Variants in MTREX observed in about 807,000 individuals in gnomAD.
The protein encoded by MTREX is Mtr4 exosome RNA helicase.
A neutral mutation model predicts 135.4 loss-of-function variants in MTREX; 76 were observed. The ratio of observed to expected loss-of-function variants is 0.56; its 90% CI spans 0.47 to 0.68. MTREX has a LOEUF of 0.68. Among genes scored for constraint, MTREX ranks in the 30% least tolerant of loss-of-function variants. MTREX has a pLI of 0.00. For missense variants in MTREX, 920 were observed against 1,262.1 expected, an observed-to-expected ratio of 0.73 and a Z score of 4.11; for synonymous variants, 404 against 401.6, an observed-to-expected ratio of 1.01 and a Z score of -0.07.
At chr5:55,413,135 T>G (rs914494385) in intron 23 of MTREX, among the ~76,000 whole-genome samples, 13 of 150,508 alleles carry the variant, frequency 8.6e-5, no homozygotes, top group Non-Finnish European at 1.5e-4. Flanking sequence ...AGGTCAGGAG[T>G]CGACACCAGT....
intron 9 of MTREX, 57 bp from the exon 10 acceptor site, chr5:55,345,037 T>A: frequency 9.7e-7 from 1 of 1,025,974 alleles, no homozygotes; most frequent in Non-Finnish European, 1.5e-6. Flanking sequence ...GTATGAAAAA[T>A]GTTTGAATTA....
chr5:55,324,037 C>A, intron 2 of MTREX, 95 bp from the exon 3 acceptor site: 1 of 829,160 alleles, frequency 1.2e-6, no homozygotes, highest in Non-Finnish European at 2.0e-6. Flanking sequence ...GATGATTGGA[C>A]AGTGTCATTT....
chr5:55,322,246 G>T, intron 1 of MTREX, 81 bp from the exon 2 acceptor site: 1 of 1,218,988 alleles, frequency 8.2e-7, no homozygotes, highest in Non-Finnish European at 1.1e-6. Flanking sequence ...TCTGTTAATG[G>T]TATAGAGCAG....
In MTREX at chr5:55,341,781, G is replaced by A. The variant is rs763666963; in HGVS notation, c.781+10G>A. Reference sequence around the variant, plus strand: ...TATATGAGAGATTCAGGTATATTCAGTGTTGAAATGTATATCATGTATTTC... The same window carrying A: ...TATATGAGAGATTCAGGTATATTCAATGTTGAAATGTATATCATGTATTTC... On this transcript the variant is annotated intron_variant, in intron 7 of 26. Transcript: ENST00000230640. 7.8e-7 allele frequency: 1 copy of A among 1,281,086 alleles called. No individual in the cohort carries two copies. The highest frequency in any genetic ancestry group is 1.1e-6 in the Non-Finnish European group (1 of 897,454). The allele number at this position is 1,281,086 out of a possible 1,614,324, so 79.4% of individuals were successfully genotyped here. A position where few individuals can be genotyped will look rare whatever the true frequency, so the allele number is the denominator to read the frequency against.
intron 20 of MTREX, among the ~76,000 whole-genome samples, chr5:55,398,544 T>C (rs1192016854): frequency 6.6e-6 from 1 of 152,158 alleles, no homozygotes; most frequent in Non-Finnish European, 1.5e-5. Flanking sequence ...AAATATCTTA[T>C]AAGTTCATTG....
At chr5:55,420,624 T>C (rs1751040083) in intron 25 of MTREX, among the ~76,000 whole-genome samples, 1 of 152,158 alleles carries the variant, frequency 6.6e-6, no homozygotes, top group Non-Finnish European at 1.5e-5. Context: ...GGCCACATAG[T>C]GTATAATTTC....
chr5:55,351,259 A>G (rs970215532), intron 13 of MTREX, among the ~76,000 whole-genome samples: 1 of 152,054 alleles, frequency 6.6e-6, no homozygotes, highest in African/African-American at 2.4e-5. Context: ...GTGGCAGGGT[A>G]CAGTGGCTCA....
chr5:55,399,478 C>CTTTTATT (rs1164886746), intron 20 of MTREX, among the ~76,000 whole-genome samples: 1 of 151,936 alleles, frequency 6.6e-6, no homozygotes, highest in African/African-American at 2.4e-5. Context: ...GTCTCAGGAC[C>CTTTTATT]TTTTATTTTT....
intron 25 of MTREX, among the ~76,000 whole-genome samples, chr5:55,421,902 A>AT (rs1751060898): frequency 6.6e-6 from 1 of 152,286 alleles, no homozygotes; most frequent in African/African-American, 2.4e-5. Flanking sequence ...TACCCTCTCT[A>AT]TCCCAATTCC....
Position 55,366,766 on chromosome 5 carries a change from C to A in MTREX, c.1701C>A (p.Tyr567Ter). The A allele has an allele frequency of 6.2e-7, 1 of 1,609,756 alleles. No homozygotes were observed. The highest frequency in any genetic ancestry group is 8.5e-7 in the Non-Finnish European group (1 of 1,177,876). The change falls in exon 16 of 27, where the codon TAC becomes TAA. Residue 567 changes from tyrosine (Y) to a stop codon, truncating the protein, a stop_gained. Coordinates refer to ENST00000230640, the MANE Select transcript of MTREX (RefSeq NM_015360.5). LOFTEE classifies it high-confidence loss of function. ...TAAATAGTGCTTTCCATTTGACCTA[C>A]AACATGGTTTTGAACTTACTACGTG... ...DPLNSAFHLT[Y>*]NMVLNLLRVE...
intron 16 of MTREX, among the ~76,000 whole-genome samples, chr5:55,370,097 AT>A (rs1744931594): frequency 6.6e-6 from 1 of 151,768 alleles, no homozygotes. Flanking sequence ...CTAATTTTGT[AT>A]TTTTAGTAGA....
intron 19 of MTREX, among the ~76,000 whole-genome samples, chr5:55,392,025 G>A (rs1448960912): frequency 8.1e-5 from 12 of 147,284 alleles, no homozygotes; most frequent in South Asian, 6.5e-4. Flanking sequence ...GCAGGCAAGC[G>A]GGCCCCAGTT....
intron 25 of MTREX, among the ~76,000 whole-genome samples, chr5:55,421,308 CTA>C (rs2111633342): frequency 6.6e-6 from 1 of 152,312 alleles, no homozygotes; most frequent in East Asian, 1.9e-4. Context: ...GGAGTAGCCT[CTA>C]TGTTTCAGGC....
At chr5:55,339,910 ATAAT>A (rs1460747672) in intron 5 of MTREX, 96 bp from the exon 6 acceptor site, 2 of 799,540 alleles carry the variant, frequency 2.5e-6, no homozygotes, top group Non-Finnish European at 3.6e-6. Context: ...TTCAAGATAA[ATAAT>A]TAGGGAAAAT....
At chr5:55,402,846 G>A (rs199772658) in intron 21 of MTREX, among the ~76,000 whole-genome samples, 1 of 45,886 alleles carries the variant, frequency 2.2e-5, no homozygotes, top group African/African-American at 6.5e-5. Flanking sequence ...GTGTGTATGT[G>A]TATGTATGTG....
chr5:55,342,055 A>G (rs1749658171), intron 7 of MTREX, among the ~76,000 whole-genome samples: 2 of 152,196 alleles, frequency 1.3e-5, no homozygotes, highest in South Asian at 4.2e-4. Flanking sequence ...ACAGACGTGT[A>G]CCACCATGTC....
chr5:55,364,357 C>T (rs1750062611), intron 15 of MTREX, among the ~76,000 whole-genome samples: 1 of 152,130 alleles, frequency 6.6e-6, no homozygotes, highest in South Asian at 2.1e-4. Context: ...ACAACATGTC[C>T]AGTACACTTC....
intron 13 of MTREX, among the ~76,000 whole-genome samples, chr5:55,352,140 C>T (rs1007531607): frequency 6.6e-6 from 1 of 151,996 alleles, no homozygotes; most frequent in African/African-American, 2.4e-5. Context: ...CCACCTCAGC[C>T]TCCCAAAGTG....
chr5:55,423,293 CAA>C (rs1751085258), intron 26 of MTREX: 2 of 271,400 alleles, frequency 7.4e-6, no homozygotes, highest in Admixed American at 1.0e-4. Context: ...GGGAGATAGA[CAA>C]TAAGTCAACA....
Sources: allele counts gnomAD v4.1 joint callset (sites outside exome capture counted in the v4.1 genomes callset), GRCh38; gene constraint gnomAD v4.1.1; transcripts MANE v1.5; gene names NCBI Gene and HGNC (gene_info 2026-07-23, HGNC 2026-07-21).